Variants in FRMPD4 observed in about 807,000 individuals in gnomAD.
FRMPD4 encodes FERM and PDZ domain containing 4.
Under a neutral mutation model 94.1 loss-of-function variants are expected in FRMPD4, and 22 were observed. The ratio of observed to expected loss-of-function variants is 0.23; its 90% confidence interval spans 0.17 to 0.33. FRMPD4 has a LOEUF of 0.33. FRMPD4 is among the 10% of genes least tolerant of loss of function. The pLI, the probability that FRMPD4 is intolerant of heterozygous loss-of-function variation, is 1.00. For missense variants in FRMPD4, 1,111 were observed against 1,339.9 expected, an observed-to-expected ratio of 0.83 and a Z score of 2.67; for synonymous variants, 631 against 548.6, an observed-to-expected ratio of 1.15 and a Z score of -2.10.
chrX:11,950,498 C>G (rs1411844120), intron 3 of FRMPD4, among the ~76,000 whole-genome samples: 2 of 111,460 alleles, frequency 1.8e-5, no homozygotes, highest in Non-Finnish European at 3.8e-5. Context: ...CATGTTGGAC[C>G]TTAGATCTCC....
intron 1 of FRMPD4, among the ~76,000 whole-genome samples, chrX:12,379,753 G>A (rs2056295009): frequency 9.2e-6 from 1 of 108,409 alleles, no homozygotes; most frequent in Non-Finnish European, 1.9e-5. Context: ...GAGTTAGTTA[G>A]CAAAACAGAA....
At chrX:12,708,996 T>G (rs2041931958) in intron 13 of FRMPD4, 1 of 113,649 alleles carries the variant, frequency 8.8e-6, no homozygotes, top group Admixed American at 9.4e-5. Flanking sequence ...GCAAAGAGGC[T>G]GAGAGAAATA....
chrX:11,901,079 A>G (rs960379606), intron 3 of FRMPD4, among the ~76,000 whole-genome samples: 3 of 111,222 alleles, frequency 2.7e-5, no homozygotes, highest in African/African-American at 9.8e-5. Context: ...GAATCATCCT[A>G]CTTGTCCCTA....
At chrX:11,975,611 T>G (rs373972931) in intron 3 of FRMPD4, among the ~76,000 whole-genome samples, 1 of 112,241 alleles carries the variant, frequency 8.9e-6, no homozygotes, top group East Asian at 2.8e-4. Context: ...TTTTTTTTTG[T>G]ATTACTGCAT....
intron 3 of FRMPD4, among the ~76,000 whole-genome samples, chrX:11,918,153 T>C (rs190734878): frequency 2.3e-4 from 26 of 113,028 alleles, no homozygotes; most frequent in African/African-American, 7.7e-4. Context: ...GGAAAAAGGA[T>C]TATGTGTGTC....
chrX:12,057,482 A>G (rs1481419206), intron 3 of FRMPD4, among the ~76,000 whole-genome samples: 4 of 112,268 alleles, frequency 3.6e-5, no homozygotes, highest in Non-Finnish European at 5.6e-5. Context: ...TTCAGATACA[A>G]TAAATTGAAG....
intron 1 of FRMPD4, among the ~76,000 whole-genome samples, chrX:12,347,299 G>A (rs749621763): frequency 3.6e-5 from 4 of 110,884 alleles, no homozygotes; most frequent in African/African-American, 1.3e-4. Flanking sequence ...GTGCAGTGGC[G>A]TGACCATAGC....
intron 3 of FRMPD4, among the ~76,000 whole-genome samples, chrX:12,000,266 A>T (rs923642683): frequency 1.2e-4 from 13 of 111,894 alleles, no homozygotes; most frequent in Admixed American, 3.8e-4. Flanking sequence ...ATTTTGGCAT[A>T]GAGTAGAGCT....
chrX:12,474,085 G>A (rs972126651), intron 1 of FRMPD4, among the ~76,000 whole-genome samples: 2 of 110,165 alleles, frequency 1.8e-5, no homozygotes, highest in Non-Finnish European at 3.8e-5. Flanking sequence ...CTCAGCAAAT[G>A]TAAAAGAACA....
In FRMPD4 at chrX:12,707,511, C is replaced by T. The variant is rs1216151567; in HGVS notation, c.1330C>T (p.Arg444Trp). The T allele has an allele frequency of 8.3e-7, 1 of 1,206,575 alleles. No homozygotes were observed. Among genetic ancestry groups the T allele is most frequent in the Non-Finnish European group, 1.1e-6 (1 of 892,332 alleles). ...RSEVTLLVGP[R>W]YGISHVINTK... is the part of the protein sequence containing the mutation. ...GGAAGTGACTCTCCTGGTTGGGCCCCGGTATGGCATAAGCCATGTCATCAA... is the reference window on the plus strand; with the variant it reads ...GGAAGTGACTCTCCTGGTTGGGCCCTGGTATGGCATAAGCCATGTCATCAA... The change falls in exon 13 of 17, where the codon CGG becomes TGG. Residue 444 changes from arginine (R) to tryptophan (W), a missense_variant. Transcript: ENST00000675598.
intron 1 of FRMPD4, among the ~76,000 whole-genome samples, chrX:12,309,203 G>A (rs758480448): frequency 4.5e-5 from 5 of 111,708 alleles, no homozygotes; most frequent in East Asian, 2.8e-4. Context: ...TTGCCCAGGG[G>A]CTATAGTTTG....
chrX:12,183,713 C>G (rs1478759608), intron 1 of FRMPD4, among the ~76,000 whole-genome samples: 2 of 111,168 alleles, frequency 1.8e-5, no homozygotes, highest in African/African-American at 6.5e-5. Context: ...TTGCTGTCTT[C>G]TGTGGAGACA....
At chrX:12,601,829 G>A (rs1437522486) in intron 2 of FRMPD4, among the ~76,000 whole-genome samples, 1 of 111,287 alleles carries the variant, frequency 9.0e-6, no homozygotes, top group South Asian at 3.8e-4. Context: ...CTTAAGTCGT[G>A]GTGCCTTGCC....
At chrX:11,853,780 G>A (rs923249238) in intron 1 of FRMPD4, among the ~76,000 whole-genome samples, 4 of 111,890 alleles carry the variant, frequency 3.6e-5, no homozygotes, top group Non-Finnish European at 7.5e-5. Context: ...CAAATTCACA[G>A]CTGAATTCCA....
intron 3 of FRMPD4, among the ~76,000 whole-genome samples, chrX:12,094,972 A>T (rs1246760856): frequency 8.9e-6 from 1 of 111,915 alleles, no homozygotes; most frequent in Non-Finnish European, 1.9e-5. Context: ...ACAGAATTGG[A>T]AGCAAACTCC....
chrX:12,682,303 G>A (rs1051309730), intron 5 of FRMPD4, among the ~76,000 whole-genome samples: 1 of 111,768 alleles, frequency 8.9e-6, no homozygotes, highest in Non-Finnish European at 1.9e-5. Flanking sequence ...CAAAGTATAG[G>A]TCACCCTAGT....
chrX:12,061,556 G>A (rs2054886643), intron 3 of FRMPD4, among the ~76,000 whole-genome samples: 2 of 111,439 alleles, frequency 1.8e-5, no homozygotes, highest in South Asian at 7.5e-4. Flanking sequence ...AGAAATGAGT[G>A]GCCAAATGGA....
At chrX:12,596,619 A>C (rs2059033608) in intron 2 of FRMPD4, among the ~76,000 whole-genome samples, 1 of 109,870 alleles carries the variant, frequency 9.1e-6, no homozygotes, top group African/African-American at 3.3e-5. Context: ...TTCTAGCGGG[A>C]GTGCACTCTT....
intron 1 of FRMPD4, among the ~76,000 whole-genome samples, chrX:12,459,418 T>C (rs2057370191): frequency 9.0e-6 from 1 of 111,107 alleles, no homozygotes; most frequent in South Asian, 3.8e-4. Flanking sequence ...AAAATCAAGT[T>C]ACAGAACACT....
Sources: allele counts gnomAD v4.1 joint callset (sites outside exome capture counted in the v4.1 genomes callset), GRCh38; gene constraint gnomAD v4.1.1; transcripts MANE v1.5; gene names NCBI Gene and HGNC (gene_info 2026-07-23, HGNC 2026-07-21).